C10orf143: variants seen among roughly 807,000 people sequenced by gnomAD.
C10orf143 encodes uncharacterized protein C10orf143.
chr10:130,105,304 C>A (rs557876857), intron 1 of C10orf143, among the ~76,000 whole-genome samples: 1 of 152,316 alleles, frequency 6.6e-6, no homozygotes, highest in South Asian at 2.1e-4. Context: ...GCTCTGGAGC[C>A]AGATGGCTTG....
chr10:130,042,872 A>G (rs1276109685), intron 3 of C10orf143, among the ~76,000 whole-genome samples: 1 of 152,246 alleles, frequency 6.6e-6, no homozygotes, highest in African/African-American at 2.4e-5. Flanking sequence ...CTATTAAGGA[A>G]TTATGGATCA....
At chr10:130,037,835 G>T (rs1860562686) in intron 3 of C10orf143, among the ~76,000 whole-genome samples, 1 of 152,088 alleles carries the variant, frequency 6.6e-6, no homozygotes, top group Non-Finnish European at 1.5e-5. Context: ...AATATGAGGG[G>T]AAGACCCTTC....
At chr10:130,106,590 C>T in intron 1 of C10orf143, 1 of 1,523,038 alleles carries the variant, frequency 6.6e-7, no homozygotes, top group South Asian at 1.1e-5. Flanking sequence ...GAGTCAGAAT[C>T]CCTCAAATCA....
chr10:130,068,441 A>C (rs1039972048), intron 3 of C10orf143: 3 of 152,030 alleles, frequency 2.0e-5, no homozygotes, highest in Non-Finnish European at 2.9e-5. Flanking sequence ...GTGAAACCCC[A>C]TCTCTACTGA....
At chr10:130,081,402 T>C (rs76976505) in intron 1 of C10orf143, among the ~76,000 whole-genome samples, 5,264 of 152,250 alleles carry the variant, frequency 0.035, 240 homozygotes, top group East Asian at 0.11. Flanking sequence ...CCATTCTCAG[T>C]ACAAGGCAGA....
At chr10:130,108,084 C>CTGAA (rs1248920744) in intron 1 of C10orf143, 1 of 1,504,176 alleles carries the variant, frequency 6.6e-7, no homozygotes, top group African/African-American at 1.4e-5. Context: ...TCTCTCCCTG[C>CTGAA]TGAAAATGCA....
downstream of C10orf143, among the ~76,000 whole-genome samples, chr10:130,059,152 T>C (rs1278286451): frequency 2.0e-5 from 3 of 152,186 alleles, no homozygotes; most frequent in Admixed American, 6.5e-5. Context: ...AAGTTTTAAA[T>C]GTCAGAATTG....
At chr10:130,074,256 CT>C (rs1861078959) in intron 3 of C10orf143, among the ~76,000 whole-genome samples, 1 of 152,188 alleles carries the variant, frequency 6.6e-6, no homozygotes, top group Non-Finnish European at 1.5e-5. Context: ...CCCTGGGGAC[CT>C]CACTTTCCTT....
chr10:130,067,356 C>T (rs1048160766), intron 3 of C10orf143: 1 of 152,306 alleles, frequency 6.6e-6, no homozygotes, highest in East Asian at 1.9e-4. Flanking sequence ...GATTGATGCC[C>T]TCACCTCTGG....
intron 3 of C10orf143, among the ~76,000 whole-genome samples, chr10:130,048,115 C>T (rs1414058595): frequency 6.6e-6 from 1 of 152,220 alleles, no homozygotes; most frequent in Non-Finnish European, 1.5e-5. Flanking sequence ...CCCTGGAGCC[C>T]AGTAAGCAGA....
At chr10:130,088,053 G>C (rs1299133877) in intron 1 of C10orf143, among the ~76,000 whole-genome samples, 1 of 152,224 alleles carries the variant, frequency 6.6e-6, no homozygotes, top group Non-Finnish European at 1.5e-5. Context: ...ACGTGAGCGA[G>C]CATATGAGTT....
intron 1 of C10orf143, among the ~76,000 whole-genome samples, chr10:130,101,867 A>C (rs1194063646): frequency 1.6e-5 from 2 of 121,636 alleles, no homozygotes; most frequent in African/African-American, 4.7e-5. Context: ...AAAAAAACCA[A>C]AAAAAAAAAA....
chr10:130,103,048 G>A (rs1219498399), intron 1 of C10orf143, among the ~76,000 whole-genome samples: 1 of 151,432 alleles, frequency 6.6e-6, no homozygotes, highest in African/African-American at 2.4e-5. Flanking sequence ...GTGCGATCTC[G>A]GCTCACTGCA....
intron 3 of C10orf143, among the ~76,000 whole-genome samples, chr10:130,052,730 T>G (rs1464054230): frequency 6.6e-6 from 1 of 152,232 alleles, no homozygotes; most frequent in African/African-American, 2.4e-5. Flanking sequence ...AGGACACCAG[T>G]GAATAAGACT....
At chr10:130,080,043 T>C (rs1270215733) in intron 1 of C10orf143, 142 bp from the exon 2 acceptor site, 1 of 397,544 alleles carries the variant, frequency 2.5e-6, no homozygotes, top group Non-Finnish European at 4.4e-6. Context: ...GAGATGACTT[T>C]AAACTTTATC....
At chr10:130,101,874 A>AAAAAAAAAAAAAAAAAAC (rs1861561538) in intron 1 of C10orf143, among the ~76,000 whole-genome samples, 1 of 141,288 alleles carries the variant, frequency 7.1e-6, no homozygotes, top group African/African-American at 2.7e-5. Flanking sequence ...CCAAAAAAAA[A>AAAAAAAAAAAAAAAAAAC]AAAAAAAAAA....
At chr10:130,038,786 A>T (rs1860573527) in intron 3 of C10orf143, among the ~76,000 whole-genome samples, 1 of 152,058 alleles carries the variant, frequency 6.6e-6, no homozygotes, top group South Asian at 2.1e-4. Context: ...AGCCCACCTC[A>T]GTGCAGCACA....
At chr10:130,097,035 A>C (rs1013807829) in intron 1 of C10orf143, among the ~76,000 whole-genome samples, 2 of 150,684 alleles carry the variant, frequency 1.3e-5, no homozygotes, top group Non-Finnish European at 3.0e-5. Flanking sequence ...ATCTCAGCTC[A>C]CTGTAACCTC....
At chr10:130,108,141 G>T in intron 1 of C10orf143, 1 of 1,565,602 alleles carries the variant, frequency 6.4e-7, no homozygotes, top group South Asian at 1.1e-5. Flanking sequence ...CTAATCAGAG[G>T]TCCACTGTTT....
Sources: gnomAD v4.1 joint callset for allele counts (sites outside exome capture counted in the v4.1 genomes callset) on GRCh38, gnomAD v4.1.1 for gene constraint, MANE v1.5 for transcripts, NCBI Gene and HGNC (gene_info 2026-07-23, HGNC 2026-07-21) for gene names.